The following ITGA9 variants were observed in gnomAD, a reference collection of about 807,000 sequenced individuals.
The protein encoded by ITGA9 is integrin alpha-9.
ITGA9 carries 56 observed loss-of-function variants against 127.8 expected under a neutral mutation model. The ratio of observed to expected loss-of-function variants is 0.44; its 90% confidence interval spans 0.35 to 0.55. The LOEUF is 0.55. Ranked by LOEUF, ITGA9 falls within the 20% of genes least tolerant of loss-of-function variation. The pLI is 0.00. For missense variants in ITGA9, 1,196 were observed against 1,347.1 expected (o/e 0.89, Z 1.76); for synonymous variants, 508 against 514.5 (o/e 0.99, Z 0.17).
chr3:37,787,070 C>T (rs1575237602), intron 26 of ITGA9, among the ~76,000 whole-genome samples: 2 of 152,302 alleles, frequency 1.3e-5, no homozygotes, highest in South Asian at 4.1e-4. Flanking sequence ...TCCCTGCCTT[C>T]TGGCCATTTA....
intron 11 of ITGA9, among the ~76,000 whole-genome samples, chr3:37,521,718 G>A (rs1282889549): frequency 1.3e-5 from 2 of 152,218 alleles, no homozygotes; most frequent in Non-Finnish European, 2.9e-5. Context: ...CCTTAGAAAT[G>A]TAGATCCAGG....
At chr3:37,544,541 C>T (rs766688636) in intron 15 of ITGA9, among the ~76,000 whole-genome samples, 1 of 152,204 alleles carries the variant, frequency 6.6e-6, no homozygotes, top group Non-Finnish European at 1.5e-5. Context: ...CTCTACCCAA[C>T]AAGTGGCATT....
intron 27 of ITGA9, among the ~76,000 whole-genome samples, chr3:37,817,895 G>A (rs951120898): frequency 2.0e-5 from 3 of 152,120 alleles, no homozygotes; most frequent in Non-Finnish European, 4.4e-5. Flanking sequence ...AGGATGAAAC[G>A]CCCGTTCTAA....
chr3:37,582,905 G>C (rs1295252823), intron 15 of ITGA9, among the ~76,000 whole-genome samples: 1 of 152,184 alleles, frequency 6.6e-6, no homozygotes, highest in East Asian at 1.9e-4. Flanking sequence ...CTTAAAACTT[G>C]TCAACCAGTA....
chr3:37,747,214 C>T (rs1696511681), intron 22 of ITGA9, among the ~76,000 whole-genome samples: 1 of 151,800 alleles, frequency 6.6e-6, no homozygotes, highest in African/African-American at 2.4e-5. Context: ...CAATTGTGAA[C>T]CTGTCATCAT....
chr3:37,737,377 G>A (rs1409278984), intron 20 of ITGA9, among the ~76,000 whole-genome samples: 1 of 152,220 alleles, frequency 6.6e-6, no homozygotes, highest in Non-Finnish European at 1.5e-5. Flanking sequence ...ACATGGTGCT[G>A]TATCCCTTGA....
At chr3:37,795,913 C>A (rs1335109800) in intron 26 of ITGA9, among the ~76,000 whole-genome samples, 1 of 152,198 alleles carries the variant, frequency 6.6e-6, no homozygotes, top group Non-Finnish European at 1.5e-5. Flanking sequence ...ATTCATTTTG[C>A]AGTGTACTTT....
chr3:37,638,045 G>C (rs923491150), intron 16 of ITGA9, among the ~76,000 whole-genome samples: 1 of 152,164 alleles, frequency 6.6e-6, no homozygotes, highest in African/African-American at 2.4e-5. Context: ...TACAGTAGAG[G>C]AGTTAAACTA....
intron 18 of ITGA9, among the ~76,000 whole-genome samples, chr3:37,728,240 G>T (rs1269809628): frequency 6.6e-6 from 1 of 152,136 alleles, no homozygotes; most frequent in Non-Finnish European, 1.5e-5. Flanking sequence ...TATGCATCCT[G>T]GTGGATACCA....
chr3:37,783,298 G>A (rs1697000595), intron 25 of ITGA9, among the ~76,000 whole-genome samples: 1 of 151,934 alleles, frequency 6.6e-6, no homozygotes, highest in Admixed American at 6.6e-5. Flanking sequence ...CATCATTATC[G>A]TTATTAATAT....
chr3:37,623,066 G>A (rs756108358), intron 15 of ITGA9, among the ~76,000 whole-genome samples: 30 of 152,038 alleles, frequency 2.0e-4, no homozygotes, highest in Admixed American at 5.2e-4. Context: ...ATACACTGAG[G>A]CCCAGTGTGA....
chr3:37,769,140 AC>A (rs2125546364), intron 23 of ITGA9, among the ~76,000 whole-genome samples: 1 of 152,008 alleles, frequency 6.6e-6, no homozygotes, highest in South Asian at 2.1e-4. Flanking sequence ...GGAGTTTGAG[AC>A]CAGCCTGACC....
chr3:37,690,814 A>G (rs900684088), intron 18 of ITGA9, among the ~76,000 whole-genome samples: 6 of 152,192 alleles, frequency 3.9e-5, no homozygotes, highest in Admixed American at 6.5e-5. Context: ...GGGAGATGCA[A>G]GAAATAATGG....
chr3:37,577,727 C>T (rs1699667200), intron 15 of ITGA9, among the ~76,000 whole-genome samples: 1 of 152,256 alleles, frequency 6.6e-6, no homozygotes, highest in Non-Finnish European at 1.5e-5. Flanking sequence ...TCCATTTCCA[C>T]ATCTACTGTG....
At chr3:37,664,339 G>T (rs1432702281) in intron 17 of ITGA9, among the ~76,000 whole-genome samples, 2 of 151,022 alleles carry the variant, frequency 1.3e-5, no homozygotes, top group Non-Finnish European at 2.9e-5. Context: ...TGGAGGCCTT[G>T]TTCAATAGCT....
chr3:37,469,271 T>G (rs577629277), intron 1 of ITGA9, among the ~76,000 whole-genome samples: 7 of 152,306 alleles, frequency 4.6e-5, no homozygotes, highest in Non-Finnish European at 1.0e-4. Context: ...TCATTCTTGC[T>G]CCTGTTTGCA....
intron 6 of ITGA9, among the ~76,000 whole-genome samples, chr3:37,504,778 TC>T (rs1235105486): frequency 1.3e-5 from 2 of 152,288 alleles, no homozygotes; most frequent in African/African-American, 4.8e-5. Flanking sequence ...TTAGGTACTA[TC>T]AGTCGCCAGT....
rs1224322931 is a variant in ITGA9 at position 37,785,283 on chromosome 3, AG to A, written c.2889+207del. Among the ~76,000 whole-genome samples the A allele has an allele frequency of 1.4e-4, 22 of 152,296 alleles. 1 individual carries two copies. Among genetic ancestry groups the A allele is most frequent in the African/African-American group, 5.3e-4 (22 of 41,562 alleles). On this transcript the variant is annotated intron_variant, in intron 26 of 27. Coordinates refer to ENST00000264741, the MANE Select transcript of ITGA9 (RefSeq NM_002207.3). ...CGTTCTTGTGATAGCATTGTCCTTT[AG>A]GATGCCATCATTATGTGAATGTTTC...
At chr3:37,793,463 C>T (rs1697137929) in intron 26 of ITGA9, among the ~76,000 whole-genome samples, 1 of 151,426 alleles carries the variant, frequency 6.6e-6, no homozygotes, top group Admixed American at 6.6e-5. Context: ...ACCCCTGCAG[C>T]ACTGTATGCA....
Sources: gnomAD v4.1 joint callset for allele counts (sites outside exome capture counted in the v4.1 genomes callset) on GRCh38, gnomAD v4.1.1 for gene constraint, MANE v1.5 for transcripts, NCBI Gene and HGNC (gene_info 2026-07-23, HGNC 2026-07-21) for gene names.